The following STX8 variants were observed in gnomAD, a reference collection of about 807,000 sequenced individuals.
STX8 encodes the protein syntaxin 8.
A neutral mutation model predicts 37.5 loss-of-function variants in STX8; 23 were observed. The observed-to-expected ratio is 0.61, with a 90% CI of 0.44 to 0.87. The LOEUF is 0.87. STX8 is among the 40% of genes least tolerant of loss of function. STX8 has a pLI of 0.00. For missense variants in STX8, 313 were observed against 284.7 expected, an observed-to-expected ratio of 1.10 and a Z score of -0.71; for synonymous variants, 115 against 99.1, an observed-to-expected ratio of 1.16 and a Z score of -0.95.
At chr17:9,354,016 G>T (rs766877626) in intron 7 of STX8, among the ~76,000 whole-genome samples, 5 of 151,978 alleles carry the variant, frequency 3.3e-5, no homozygotes, top group Non-Finnish European at 7.4e-5. Flanking sequence ...ACTTATTTTG[G>T]CTGTTTCTTC....
At chr17:9,333,017 G>A (rs1340463342) in intron 7 of STX8, among the ~76,000 whole-genome samples, 1 of 152,188 alleles carries the variant, frequency 6.6e-6, no homozygotes, top group Non-Finnish European at 1.5e-5. Flanking sequence ...CCCCTACCGA[G>A]AATGAAGATA....
chr17:9,414,080 GTCCA>G (rs1462166667), intron 6 of STX8, among the ~76,000 whole-genome samples: 8 of 24,520 alleles, frequency 3.3e-4, no homozygotes, highest in African/African-American at 4.1e-4. Context: ...CCACCCATCT[GTCCA>G]TCCATCCATC....
chr17:9,557,259 T>C, intron 3 of STX8, 175 bp downstream of exon 3: 1 of 565,126 alleles, frequency 1.8e-6, no homozygotes, highest in Non-Finnish European at 3.2e-6. Context: ...GCATATTCAC[T>C]GTAAAACATG....
chr17:9,286,612 C>CT (rs1376529416), intron 7 of STX8, among the ~76,000 whole-genome samples: 5 of 150,620 alleles, frequency 3.3e-5, no homozygotes, highest in Non-Finnish European at 1.5e-5. Flanking sequence ...CAACTCTAAG[C>CT]TGGCTACAGC....
chr17:9,288,438 G>A (rs896000512), intron 7 of STX8, among the ~76,000 whole-genome samples: 1 of 151,760 alleles, frequency 6.6e-6, no homozygotes. Flanking sequence ...GAGACGGGTG[G>A]ATCACGAGAT....
chr17:9,337,748 G>T (rs1291966270), intron 7 of STX8, among the ~76,000 whole-genome samples: 1 of 152,194 alleles, frequency 6.6e-6, no homozygotes, highest in African/African-American at 2.4e-5. Context: ...AACCCTGAAG[G>T]ACTGAAAAGT....
In STX8 at chr17:9,304,929, GTA is replaced by G. The variant is rs373766283; in HGVS notation, c.644-54286_644-54285del. ...CATATATGGGCGAAAAAAAAAATAT[GTA>G]TATATATATATATATACAGTCCCTG... is the stretch of plus-strand genomic sequence containing the variant. On this transcript the variant is annotated intron_variant, in intron 7 of 7. Coordinates refer to ENST00000306357, the MANE Select transcript of STX8 (RefSeq NM_004853.3). Among the ~76,000 whole-genome samples the G allele has an allele frequency of 1.0e-3, 96 of 95,894 alleles. 1 individual carries two copies. Among genetic ancestry groups the G allele is most frequent in the African/African-American group, 9.3e-4 (18 of 19,384 alleles). 62.9% of individuals were successfully genotyped at this position (95,894 alleles called of 152,430 possible).
chr17:9,409,657 C>T (rs1176909794), intron 6 of STX8, among the ~76,000 whole-genome samples: 1 of 152,152 alleles, frequency 6.6e-6, no homozygotes, highest in African/African-American at 2.4e-5. Flanking sequence ...CTGAGGCCGC[C>T]TTCGCTCCAG....
intron 7 of STX8, among the ~76,000 whole-genome samples, chr17:9,332,351 C>T (rs1254943649): frequency 6.6e-6 from 1 of 152,108 alleles, no homozygotes; most frequent in Non-Finnish European, 1.5e-5. Context: ...ATGAACAATG[C>T]GGACGGAGTT....
chr17:9,419,585 A>C (rs1054446961), intron 6 of STX8, among the ~76,000 whole-genome samples: 3 of 152,194 alleles, frequency 2.0e-5, no homozygotes, highest in African/African-American at 7.2e-5. Flanking sequence ...AGTATCGAGA[A>C]TGCTCTATCT....
intron 6 of STX8, among the ~76,000 whole-genome samples, chr17:9,434,792 T>C (rs1904367211): frequency 6.6e-6 from 1 of 152,174 alleles, no homozygotes; most frequent in Admixed American, 6.5e-5. Flanking sequence ...CTAGCTGTAT[T>C]TATATCTACT....
At chr17:9,496,315 A>G (rs763106847) in intron 5 of STX8, among the ~76,000 whole-genome samples, 63 of 152,286 alleles carry the variant, frequency 4.1e-4, no homozygotes, top group Non-Finnish European at 7.4e-4. Flanking sequence ...ACCTCAGGTG[A>G]TCCAGCTGCC....
At chr17:9,459,351 G>A (rs1597686232) in intron 6 of STX8, among the ~76,000 whole-genome samples, 1 of 152,234 alleles carries the variant, frequency 6.6e-6, no homozygotes, top group East Asian at 1.9e-4. Flanking sequence ...CTGCTCAGGT[G>A]ACACAAGTGT....
intron 2 of STX8, among the ~76,000 whole-genome samples, chr17:9,563,041 C>T (rs1907306369): frequency 6.6e-6 from 1 of 151,870 alleles, no homozygotes; most frequent in South Asian, 2.1e-4. Flanking sequence ...AATAGAGTAC[C>T]CATACAGCGC....
chr17:9,423,489 C>A (rs1272540649), intron 6 of STX8, among the ~76,000 whole-genome samples: 1 of 152,116 alleles, frequency 6.6e-6, no homozygotes, highest in Non-Finnish European at 1.5e-5. Context: ...CCATGCCCAG[C>A]TAATTTTTGT....
chr17:9,422,509 G>A (rs190145956), intron 6 of STX8, among the ~76,000 whole-genome samples: 5 of 152,258 alleles, frequency 3.3e-5, no homozygotes, highest in Admixed American at 2.6e-4. Flanking sequence ...CCATGGATTC[G>A]TCTGTTCTAG....
At chr17:9,481,270 C>T (rs1272379158) in intron 6 of STX8, among the ~76,000 whole-genome samples, 1 of 152,202 alleles carries the variant, frequency 6.6e-6, no homozygotes, top group African/African-American at 2.4e-5. Context: ...CATAGCTCTT[C>T]CGGGTTACAG....
At chr17:9,359,215 G>A (rs917925944) in intron 7 of STX8, among the ~76,000 whole-genome samples, 2 of 151,598 alleles carry the variant, frequency 1.3e-5, no homozygotes, top group African/African-American at 4.8e-5. Context: ...GCTAATTTTT[G>A]TAATTTTAGT....
rs75437973 is a variant in STX8, at chr17:9,377,308, T to C, written c.643+1244A>G. On this transcript the variant is annotated intron_variant, in intron 7 of 7. Transcript: ENST00000306357. ...TTTAAATTGCTTTTGTAATTCTTTT[T>C]TTTTTTTAAAGACACAAGGTTTCAC... 7.8e-3 allele frequency among the ~76,000 whole-genome samples: 1,182 copies of C among 152,134 alleles called. 21 individuals are homozygous for C. The highest frequency in any genetic ancestry group is 0.027 in the African/African-American group (1,120 of 41,518).
Sources: gnomAD v4.1 joint callset for allele counts (sites outside exome capture counted in the v4.1 genomes callset) on GRCh38, gnomAD v4.1.1 for gene constraint, MANE v1.5 for transcripts, NCBI Gene and HGNC (gene_info 2026-07-23, HGNC 2026-07-21) for gene names.